Variants in CHL1 observed in about 807,000 individuals in gnomAD.
The protein encoded by CHL1 is cell adhesion molecule L1 like.
A neutral mutation model predicts 141.9 loss-of-function variants in CHL1; 96 were observed. That is an observed-to-expected ratio of 0.68 (90% CI 0.57 to 0.80). CHL1 has a LOEUF of 0.80. CHL1 is among the 30% of genes least tolerant of loss of function. The probability of loss-of-function intolerance (pLI) is 0.00; values close to 1 mark genes in which losing one functional copy is unlikely to be tolerated. For missense variants in CHL1, 1,820 were observed against 1,457.2 expected (o/e 1.25, Z -4.05); for synonymous variants, 613 against 502.2 (o/e 1.22, Z -2.95).
chr3:256,314 A>T (rs1298910216), intron 2 of CHL1, among the ~76,000 whole-genome samples: 2 of 152,218 alleles, frequency 1.3e-5, no homozygotes, highest in African/African-American at 2.4e-5. Flanking sequence ...TACTTATAGC[A>T]TGGTAAAGCA....
intron 6 of CHL1, among the ~76,000 whole-genome samples, chr3:341,318 G>A (rs545050282): frequency 2.6e-4 from 39 of 152,280 alleles, no homozygotes; most frequent in African/African-American, 8.9e-4. Flanking sequence ...ATATGCCTTA[G>A]CAGTGATCTC....
At chr3:249,499 A>G (rs1183707960) in intron 2 of CHL1, among the ~76,000 whole-genome samples, 1 of 152,166 alleles carries the variant, frequency 6.6e-6, no homozygotes, top group Non-Finnish European at 1.5e-5. Context: ...TATTAGAAAA[A>G]TGAAAATGAA....
intron 3 of CHL1, among the ~76,000 whole-genome samples, chr3:320,680 A>G (rs1413886298): frequency 6.6e-6 from 1 of 152,042 alleles, no homozygotes; most frequent in Non-Finnish European, 1.5e-5. Flanking sequence ...CCTGGACAAT[A>G]TAGTGAGACT....
chr3:371,141 C>T (rs1705574860), intron 15 of CHL1, among the ~76,000 whole-genome samples: 1 of 152,112 alleles, frequency 6.6e-6, no homozygotes, highest in African/African-American at 2.4e-5. Flanking sequence ...GAGCTGGGTT[C>T]AAGTTCTGAA....
chr3:376,228 C>G (rs1383567529), intron 15 of CHL1, among the ~76,000 whole-genome samples: 2 of 152,178 alleles, frequency 1.3e-5, no homozygotes, highest in Non-Finnish European at 2.9e-5. Flanking sequence ...TTGGAGCTGT[C>G]TGTTACTGCA....
intron 1 of CHL1, among the ~76,000 whole-genome samples, chr3:220,260 T>C (rs184272560): frequency 2.0e-5 from 3 of 152,164 alleles, no homozygotes; most frequent in Non-Finnish European, 4.4e-5. Flanking sequence ...CCTTTACAAA[T>C]TTGGTTATTG....
Position 405,964 on chromosome 3 carries a change from T to G in CHL1, c.*253T>G, listed in dbSNP as rs13316459. ...CAAAACACAAAACAAATCCTGCATT[T>G]AGATACACCTCAACTAAATCCAAAG... On this transcript the variant is annotated 3_prime_UTR_variant, in exon 28 of 28. Transcript: ENST00000256509. The G allele has an allele frequency of 1.7e-3, 687 of 398,438 alleles. 7 individuals carry two copies. Among genetic ancestry groups the G allele is most frequent in the African/African-American group, 0.013 (647 of 49,000 alleles). The allele number at this position is 398,438 out of a possible 1,614,324, so 24.7% of individuals were successfully genotyped here. A position where few individuals can be genotyped will look rare whatever the true frequency, so the allele number is the denominator to read the frequency against.
At chr3:241,955 A>G (rs1257541091) in intron 1 of CHL1, among the ~76,000 whole-genome samples, 1 of 152,184 alleles carries the variant, frequency 6.6e-6, no homozygotes, top group East Asian at 1.9e-4. Flanking sequence ...AAAGGATTGT[A>G]TGTCATGTTA....
intron 19 of CHL1, among the ~76,000 whole-genome samples, chr3:388,281 C>G (rs1707919341): frequency 6.6e-6 from 1 of 152,206 alleles, no homozygotes; most frequent in Non-Finnish European, 1.5e-5. Context: ...GGTGCTGTGG[C>G]CCATGCCTAT....
At chr3:364,782 G>T (rs905758619) in intron 14 of CHL1, among the ~76,000 whole-genome samples, 2 of 152,066 alleles carry the variant, frequency 1.3e-5, no homozygotes, top group Admixed American at 6.6e-5. Flanking sequence ...AGGAAACCTT[G>T]TCTTATGGCT....
chr3:262,760 A>T (rs1189628752), intron 2 of CHL1, among the ~76,000 whole-genome samples: 1 of 152,200 alleles, frequency 6.6e-6, no homozygotes, highest in African/African-American at 2.4e-5. Flanking sequence ...AGACTTTCTA[A>T]GTTTTGGAAG....
chr3:385,414 A>C (rs1037492294), intron 19 of CHL1, among the ~76,000 whole-genome samples: 5 of 152,158 alleles, frequency 3.3e-5, no homozygotes, highest in African/African-American at 1.2e-4. Context: ...ATATGGAAAA[A>C]AGGCCAGAAA....
rs968156372 is a variant in CHL1, at chr3:228,692, T to C, written c.-174-15921T>C. Reference sequence around the variant, plus strand: ...CTCATTAACCCCTGTGAGAGGCCAGTAATATGGGATAGCAACGGATTTCTA... The same window carrying C: ...CTCATTAACCCCTGTGAGAGGCCAGCAATATGGGATAGCAACGGATTTCTA... On this transcript the variant is annotated intron_variant, in intron 1 of 27. Coordinates refer to ENST00000256509, the MANE Select transcript of CHL1 (RefSeq NM_006614.4). Among the ~76,000 whole-genome samples, 4 of 152,196 alleles carry C rather than the reference T, an allele frequency of 2.6e-5. No individual in the cohort carries two copies. The South Asian group carries it at 8.3e-4, about 31-fold the overall frequency.
intron 19 of CHL1, chr3:384,214 A>T (rs1438120546): frequency 1.7e-5 from 3 of 180,344 alleles, no homozygotes; most frequent in Non-Finnish European, 3.5e-5. Context: ...AAAATCTTTA[A>T]TTAATTTAGT....
chr3:349,720 C>T (rs572519306), intron 10 of CHL1, among the ~76,000 whole-genome samples, 177 bp downstream of exon 10: 14 of 152,118 alleles, frequency 9.2e-5, no homozygotes, highest in African/African-American at 3.1e-4. Flanking sequence ...ATTTACGCCC[C>T]AAAATGACAT....
intron 19 of CHL1, among the ~76,000 whole-genome samples, chr3:386,105 G>C (rs530878239): frequency 6.6e-6 from 1 of 150,630 alleles, no homozygotes; most frequent in African/African-American, 2.4e-5. Flanking sequence ...GTTTTTCCCA[G>C]TTTCACAATC....
intron 1 of CHL1, among the ~76,000 whole-genome samples, chr3:241,103 AC>A (rs1692518026): frequency 6.6e-6 from 1 of 152,316 alleles, no homozygotes; most frequent in South Asian, 2.1e-4. Flanking sequence ...TATGTTAAAT[AC>A]AGAATAAAGG....
intron 2 of CHL1, among the ~76,000 whole-genome samples, chr3:300,792 G>C (rs948103419): frequency 1.3e-5 from 2 of 151,746 alleles, no homozygotes; most frequent in Non-Finnish European, 2.9e-5. Context: ...ACAAAAAAAA[G>C]AGAAAACCCT....
At chr3:281,388 T>C (rs1413270308) in intron 2 of CHL1, among the ~76,000 whole-genome samples, 1 of 152,152 alleles carries the variant, frequency 6.6e-6, no homozygotes, top group South Asian at 2.1e-4. Flanking sequence ...GGTTCCTTAT[T>C]TGCCTTCACC....
Sources: allele counts gnomAD v4.1 joint callset (sites outside exome capture counted in the v4.1 genomes callset), GRCh38; gene constraint gnomAD v4.1.1; transcripts MANE v1.5; gene names NCBI Gene and HGNC (gene_info 2026-07-23, HGNC 2026-07-21).